MAP4K4: variants seen among roughly 807,000 people sequenced by gnomAD.
The protein encoded by MAP4K4 is mitogen-activated protein kinase kinase kinase kinase 4, also known as HPK/GCK-like kinase HGK.
A neutral mutation model predicts 189.6 loss-of-function variants in MAP4K4; 38 were observed. The observed-to-expected ratio is 0.20, with a 90% CI of 0.15 to 0.26. The LOEUF is 0.26. Ranked by LOEUF, MAP4K4 falls within the 10% of genes least tolerant of loss-of-function variation. The pLI, the probability that MAP4K4 is intolerant of heterozygous loss-of-function variation, is 1.00. For synonymous variants in MAP4K4, 610 were observed against 624.3 expected (o/e 0.98, Z 0.34); for missense variants, 1,054 against 1,726.9 (o/e 0.61, Z 6.91).
chr2:101,836,180 C>T (rs111731524), intron 9 of MAP4K4, among the ~76,000 whole-genome samples: 2,428 of 152,172 alleles, frequency 0.016, 25 homozygotes, highest in Non-Finnish European at 0.027. Flanking sequence ...AATTACAAAA[C>T]GGTGACAAAT....
chr2:101,801,575 G>C (rs756725221), intron 3 of MAP4K4, among the ~76,000 whole-genome samples: 1 of 152,178 alleles, frequency 6.6e-6, no homozygotes, highest in Non-Finnish European at 1.5e-5. Context: ...AGGAAAACAG[G>C]TGTTTGGCGT....
chr2:101,718,876 T>A (rs181415417), intron 2 of MAP4K4, among the ~76,000 whole-genome samples: 1 of 151,970 alleles, frequency 6.6e-6, no homozygotes, highest in East Asian at 1.9e-4. Flanking sequence ...TAGTAAGGAG[T>A]AGTAGGGCAA....
intron 5 of MAP4K4, among the ~76,000 whole-genome samples, chr2:101,827,310 A>G (rs1312330886): frequency 6.6e-6 from 1 of 152,134 alleles, no homozygotes; most frequent in East Asian, 1.9e-4. Context: ...TTTCCTTGTG[A>G]CAAAAGTTTA....
intron 3 of MAP4K4, among the ~76,000 whole-genome samples, chr2:101,816,072 C>G (rs939841496): frequency 6.6e-6 from 1 of 152,186 alleles, no homozygotes; most frequent in Non-Finnish European, 1.5e-5. Context: ...CTCTGGGCGC[C>G]GTTTGGGTTT....
chr2:101,785,733 T>C (rs74543143), intron 2 of MAP4K4, among the ~76,000 whole-genome samples: 5 of 11,108 alleles, frequency 4.5e-4, no homozygotes, highest in African/African-American at 1.2e-3. Context: ...TCTCTCTCTC[T>C]CTCTCTCTCT....
At chr2:101,784,505 T>C (rs2089638552) in intron 2 of MAP4K4, among the ~76,000 whole-genome samples, 1 of 152,110 alleles carries the variant, frequency 6.6e-6, no homozygotes, top group Non-Finnish European at 1.5e-5. Flanking sequence ...TTGTTTCAGA[T>C]TAAACTCAGC....
At chr2:101,862,176 G>A (rs536124913) in intron 16 of MAP4K4, 1 of 145,746 alleles carries the variant, frequency 6.9e-6, no homozygotes, top group Non-Finnish European at 1.5e-5. Flanking sequence ...GGAGTTTGCA[G>A]CTTGCAGTGA....
At chr2:101,799,450 A>G (rs1055945048) in intron 3 of MAP4K4, among the ~76,000 whole-genome samples, 3 of 152,058 alleles carry the variant, frequency 2.0e-5, no homozygotes, top group Non-Finnish European at 2.9e-5. Context: ...ACCTGTGGCA[A>G]TCCTTTTCTC....
At position 101,849,454 on chromosome 2, in the gene MAP4K4, A is replaced by G. The variant is rs531145173; in HGVS notation, c.1233+5143A>G. Among the ~76,000 whole-genome samples the G allele has an allele frequency of 3.5e-3, 537 of 152,120 alleles. 1 individual carries two copies. Among genetic ancestry groups the G allele is most frequent in the African/African-American group, 0.012 (514 of 41,504 alleles). The stretch of plus-strand genomic sequence containing the variant: ...AAAAAGTTTTAATACTACTTTTCCT[A>G]TTTAGAGCATCATCACATCTTTGGC... On this transcript the variant is annotated intron_variant, in intron 12 of 32. Coordinates refer to ENST00000324219, the Ensembl canonical transcript of MAP4K4.
At chr2:101,834,169 TCCTTCCCTC>T (rs1052541222) in intron 7 of MAP4K4, among the ~76,000 whole-genome samples, 2 of 147,074 alleles carry the variant, frequency 1.4e-5, no homozygotes, top group African/African-American at 2.5e-5. Flanking sequence ...TTCCTTCCTT[TCCTTCCCTC>T]CCTTCCCTCC....
At position 101,704,492 on chromosome 2, in the gene MAP4K4, A is replaced by G. The variant is rs190099086; in HGVS notation, c.123+5954A>G. ...TTGCCTAGCTGCAAACTCAACTCGT[A>G]TTTTGCCTTTTTTCTTAACCAATAT... On this transcript the variant is annotated intron_variant, in intron 2 of 32. Transcript: ENST00000324219. Among the ~76,000 whole-genome samples, 22 of 121,610 alleles carry G rather than the reference A, an allele frequency of 1.8e-4. No individual in the cohort carries two copies. In the East Asian group the frequency reaches 5.2e-3, roughly 29 times the overall value. 79.8% of individuals were successfully genotyped at this position (121,610 alleles called of 152,430 possible). A position where few individuals can be genotyped will look rare whatever the true frequency, so the allele number is the denominator to read the frequency against.
In MAP4K4 at chr2:101,829,610, G is replaced by A. The variant is rs1182190313; in HGVS notation, c.508+16G>A. The stretch of plus-strand genomic sequence containing the variant: ...GTGAAACTTGGTATGTAATGGATGT[G>A]CGGCGTGATCTCATAATTGCACCTG... On this transcript the variant is annotated intron_variant, in intron 6 of 32. Coordinates refer to ENST00000324219, the Ensembl canonical transcript of MAP4K4. The A allele has an allele frequency of 1.9e-6, 3 of 1,584,570 alleles. No individual in the cohort carries two copies. Among genetic ancestry groups the A allele is most frequent in the Admixed American group, 1.7e-5 (1 of 58,044 alleles).
At chr2:101,873,499 C>T (rs531864866) in intron 24 of MAP4K4, 148 bp from the exon 25 acceptor site, 28 of 550,080 alleles carry the variant, frequency 5.1e-5, no homozygotes, top group African/African-American at 3.6e-4. Flanking sequence ...GGAAGCTCCC[C>T]GCAGAGCATT....
At chr2:101,701,353 G>A (rs2038597412) in intron 2 of MAP4K4, among the ~76,000 whole-genome samples, 1 of 152,192 alleles carries the variant, frequency 6.6e-6, no homozygotes, top group South Asian at 2.1e-4. Context: ...TGGAAGAAAG[G>A]GAGGGGGAGG....
intron 2 of MAP4K4, among the ~76,000 whole-genome samples, chr2:101,728,222 A>T (rs1434199389): frequency 3.9e-5 from 6 of 152,200 alleles, no homozygotes; most frequent in Admixed American, 3.9e-4. Context: ...GATTTTTATC[A>T]GTGGTTCCTC....
intron 21 of MAP4K4, among the ~76,000 whole-genome samples, chr2:101,868,350 A>G (rs1577080407): frequency 6.6e-6 from 1 of 152,230 alleles, no homozygotes; most frequent in Admixed American, 6.5e-5. Flanking sequence ...ATTCTCAACT[A>G]TGAAGAAAAT....
chr2:101,887,629 G>C (rs2150316929), intron 30 of MAP4K4, 149 bp from the exon 31 acceptor site: 1 of 589,532 alleles, frequency 1.7e-6, no homozygotes, highest in East Asian at 2.9e-5. Flanking sequence ...GATATATATT[G>C]CATGACTATT....
intron 2 of MAP4K4, among the ~76,000 whole-genome samples, chr2:101,733,379 G>T (rs1174977137): frequency 2.0e-5 from 3 of 152,236 alleles, no homozygotes; most frequent in African/African-American, 7.2e-5. Context: ...TCCATTAGCT[G>T]CATGGGGCCC....
At chr2:101,877,273 T>G (rs2098230624) in intron 27 of MAP4K4, 127 bp downstream of exon 27, 1 of 914,960 alleles carries the variant, frequency 1.1e-6, no homozygotes. Context: ...ACATTGAGAC[T>G]TGACAATAAT....
Sources: allele counts gnomAD v4.1 joint callset (sites outside exome capture counted in the v4.1 genomes callset), GRCh38; gene constraint gnomAD v4.1.1; transcripts MANE v1.5; gene names NCBI Gene and HGNC (gene_info 2026-07-23, HGNC 2026-07-21).